The following STRN variants were observed in gnomAD, a reference collection of about 807,000 sequenced individuals.
STRN encodes striatin, also known as protein phosphatase 2 regulatory subunit B'''alpha.
STRN carries 53 observed loss-of-function variants against 96.3 expected under a neutral mutation model. The observed-to-expected ratio is 0.55, with a 90% confidence interval of 0.44 to 0.69. The LOEUF is 0.69. Ranked by LOEUF, STRN falls within the 30% of genes least tolerant of loss-of-function variation. The probability of loss-of-function intolerance (pLI) is 0.00; values close to 1 mark genes in which losing one functional copy is unlikely to be tolerated. For synonymous variants in STRN, 428 were observed against 355.9 expected, an observed-to-expected ratio of 1.20 and a Z score of -2.28; for missense variants, 987 against 963.9, an observed-to-expected ratio of 1.02 and a Z score of -0.32.
At chr2:36,914,318 T>C (rs1202553853) in intron 3 of STRN, among the ~76,000 whole-genome samples, 1 of 152,212 alleles carries the variant, frequency 6.6e-6, no homozygotes, top group Non-Finnish European at 1.5e-5. Flanking sequence ...AAAAAATATA[T>C]TGCATCTAGG....
rs1276591291 is a variant in STRN at position 36,844,046 on chromosome 2, G to T, written c.*5410C>A. Reference sequence around the variant, plus strand: ...GAGAGAAAGGGTTATTTAGGAATCTGAATTGATGACACCCTGTGGTCAGCT... The same window carrying T: ...GAGAGAAAGGGTTATTTAGGAATCTTAATTGATGACACCCTGTGGTCAGCT... On this transcript the variant is annotated 3_prime_UTR_variant, in exon 18 of 18. Coordinates refer to ENST00000263918, the MANE Select transcript of STRN (RefSeq NM_003162.4). The T allele has an allele frequency of 6.6e-6, 1 of 152,146 alleles. No individual in the cohort carries two copies. Among genetic ancestry groups the T allele is most frequent in the African/African-American group, 2.4e-5 (1 of 41,436 alleles). The allele number at this position is 152,146 out of a possible 1,614,324, so 9.4% of individuals were successfully genotyped here.
rs111344322 is a variant in STRN, at chr2:36,954,340, G to C, written c.234+11890C>G. 2.7e-3 allele frequency among the ~76,000 whole-genome samples: 413 copies of C among 151,836 alleles called. 1 individual carries two copies. The highest frequency in any genetic ancestry group is 9.5e-3 in the African/African-American group (395 of 41,422). On this transcript the variant is annotated intron_variant, in intron 1 of 17. Transcript: ENST00000263918. ...AGCCTGGCCAATATGGCAAAACCCT[G>C]TCTCTACTAAAAATACAAAAAATTA...
In STRN at chr2:36,839,141, G is replaced by T. The variant is rs1301126057; in HGVS notation, c.*10315C>A. On this transcript the variant is annotated 3_prime_UTR_variant, in exon 18 of 18. Transcript: ENST00000263918. ...GGTATGATGGGACATGCTTCGTTTT[G>T]CCATTATGAATCTTTATGCATTGTT... Among the ~76,000 whole-genome samples, 2 of 152,112 alleles carry T rather than the reference G, an allele frequency of 1.3e-5. No individual in the cohort carries two copies. The highest frequency in any genetic ancestry group is 4.8e-5 in the African/African-American group (2 of 41,404).
chr2:36,854,262 G>C (rs1158781784), intron 15 of STRN, among the ~76,000 whole-genome samples: 2 of 152,042 alleles, frequency 1.3e-5, no homozygotes, highest in African/African-American at 4.8e-5. Context: ...AATTTATTGA[G>C]AGTCTAAAAC....
intron 16 of STRN, among the ~76,000 whole-genome samples, chr2:36,850,519 G>A (rs561484454): frequency 6.6e-6 from 1 of 152,226 alleles, no homozygotes; most frequent in East Asian, 1.9e-4. Flanking sequence ...CGAATACAAT[G>A]ACCTGGAGGT....
At chr2:36,939,957 A>G (rs906467940) in intron 1 of STRN, among the ~76,000 whole-genome samples, 3 of 152,194 alleles carry the variant, frequency 2.0e-5, no homozygotes, top group Non-Finnish European at 4.4e-5. Flanking sequence ...AGTAAAATCT[A>G]TTCATTCATT....
chr2:36,878,622 G>A lies in STRN; in HGVS notation c.1187-595C>T, dbSNP rs1166790427. ...GGTAATGTTCTACTTGTTGACCTAAGGGGTGGTGACGTGGGAGGGTAATAA... is the reference window on the plus strand; with the variant it reads ...GGTAATGTTCTACTTGTTGACCTAAAGGGTGGTGACGTGGGAGGGTAATAA... On this transcript the variant is annotated intron_variant, in intron 9 of 17. Coordinates refer to ENST00000263918, the MANE Select transcript of STRN (RefSeq NM_003162.4). 2.0e-5 allele frequency among the ~76,000 whole-genome samples: 3 copies of A among 152,174 alleles called. No individual in the cohort carries two copies. The East Asian group carries it at 5.8e-4, about 29-fold the overall frequency.
chr2:36,908,980 C>A (rs1669894859), intron 3 of STRN, among the ~76,000 whole-genome samples: 1 of 134,232 alleles, frequency 7.4e-6, no homozygotes, highest in South Asian at 2.5e-4. Flanking sequence ...GCCTCTATCC[C>A]CACCCCCAAA....
chr2:36,866,368 C>T (rs890385956), intron 12 of STRN, among the ~76,000 whole-genome samples: 10 of 152,188 alleles, frequency 6.6e-5, no homozygotes, highest in African/African-American at 2.4e-4. Flanking sequence ...CACCCAGCCA[C>T]TGACTTTTAT....
chr2:36,892,482 T>C (rs1361587395), intron 7 of STRN, among the ~76,000 whole-genome samples: 3 of 152,230 alleles, frequency 2.0e-5, no homozygotes, highest in African/African-American at 4.8e-5. Context: ...GTAATCTGTA[T>C]AATTTGGGAC....
chr2:36,960,628 A>C (rs1157131677), intron 1 of STRN, among the ~76,000 whole-genome samples: 1 of 152,224 alleles, frequency 6.6e-6, no homozygotes, highest in Non-Finnish European at 1.5e-5. Flanking sequence ...CTTAACTTAC[A>C]CATGAGAAAA....
Position 36,851,065 on chromosome 2 carries a change from G to C in STRN, c.2021C>G (p.Pro674Arg). The change falls in exon 16 of 18, where the codon CCT becomes CGT. Residue 674 changes from proline to arginine, a missense_variant. Coordinates refer to ENST00000263918, the MANE Select transcript of STRN (RefSeq NM_003162.4). ...SCQINRVISH[P>R]TLPISITAHE... ...AGCAGTGATGCTGATCGGAAGAGTA[G>C]GATGACTGATGACTCTATTTATTTG... is the stretch of plus-strand genomic sequence containing the variant. 6.2e-7 allele frequency: 1 copy of C among 1,613,614 alleles called. No individual in the cohort carries two copies. Among genetic ancestry groups the C allele is most frequent in the Non-Finnish European group, 8.5e-7 (1 of 1,179,820 alleles).
rs1667858331 is a variant in STRN at position 36,837,882 on chromosome 2, C to T, written c.*11574G>A. 6.6e-6 allele frequency among the ~76,000 whole-genome samples: 1 copy of T among 151,928 alleles called. No homozygotes were observed. Among genetic ancestry groups the T allele is most frequent in the Non-Finnish European group, 1.5e-5 (1 of 67,994 alleles). Reference sequence around the variant, plus strand: ...AAGACAAACGGTACAAACATATGGACCAAAAATAAGAAAAATTTAAAAATG... The same window carrying T: ...AAGACAAACGGTACAAACATATGGATCAAAAATAAGAAAAATTTAAAAATG... On this transcript the variant is annotated 3_prime_UTR_variant, in exon 18 of 18. Transcript: ENST00000263918.
At position 36,881,713 on chromosome 2, in the gene STRN, T is replaced by G. The variant is rs1258500065; in HGVS notation, c.1186+2219A>C. ...TTTATCAAGGACATCTTCTGTGGCTTACATAATGCTTTTGTACATCTGTCA... is the reference window on the plus strand; with the variant it reads ...TTTATCAAGGACATCTTCTGTGGCTGACATAATGCTTTTGTACATCTGTCA... On this transcript the variant is annotated intron_variant, in intron 9 of 17. Transcript: ENST00000263918. Among the ~76,000 whole-genome samples the G allele has an allele frequency of 6.6e-5, 10 of 152,354 alleles. No homozygotes were observed. In the East Asian group the frequency reaches 1.9e-3, roughly 29 times the overall value.
At chr2:36,883,443 C>G (rs985073637) in intron 9 of STRN, among the ~76,000 whole-genome samples, 4 of 152,004 alleles carry the variant, frequency 2.6e-5, no homozygotes, top group Admixed American at 6.6e-5. Flanking sequence ...GGCGATAGAG[C>G]GAGACTCCAT....
Position 36,872,108 on chromosome 2 carries a change from AG to A in STRN, c.1324-2380del, listed in dbSNP as rs554201775. ...GGCAGCCACTAAGATGGCCCCAATC[AG>A]CCCCACTTCCTTATAGGTAAACCTT... is the stretch of plus-strand genomic sequence containing the variant. On this transcript the variant is annotated intron_variant, in intron 10 of 17. Coordinates refer to ENST00000263918, the MANE Select transcript of STRN (RefSeq NM_003162.4). Among the ~76,000 whole-genome samples, 999 of 152,336 alleles carry A rather than the reference AG, an allele frequency of 6.6e-3. 5 individuals are homozygous for A. Among genetic ancestry groups the A allele is most frequent in the Non-Finnish European group, 9.8e-3 (670 of 68,024 alleles).
intron 3 of STRN, among the ~76,000 whole-genome samples, chr2:36,910,927 G>A (rs1270482534): frequency 1.3e-5 from 2 of 151,862 alleles, no homozygotes; most frequent in Admixed American, 6.6e-5. Context: ...AGGTCTGGAC[G>A]TGGGACAAAA....
At chr2:36,905,678 T>C in intron 3 of STRN, 60 bp from the exon 4 acceptor site, 2 of 1,378,304 alleles carry the variant, frequency 1.5e-6, no homozygotes, top group Middle Eastern at 5.0e-4. Flanking sequence ...GGCATCTTAA[T>C]TCATTAATAA....
chr2:36,850,509 C>T (rs1157548899), intron 16 of STRN, among the ~76,000 whole-genome samples: 1 of 152,074 alleles, frequency 6.6e-6, no homozygotes, highest in Non-Finnish European at 1.5e-5. Flanking sequence ...TATGGAAAAA[C>T]GAATACAATG....
Sources: allele counts gnomAD v4.1 joint callset (sites outside exome capture counted in the v4.1 genomes callset), GRCh38; gene constraint gnomAD v4.1.1; transcripts MANE v1.5; gene names NCBI Gene and HGNC (gene_info 2026-07-23, HGNC 2026-07-21).